The following HIF3A variants were observed in gnomAD, a reference collection of about 807,000 sequenced individuals.
HIF3A encodes hypoxia-inducible factor 3-alpha.
Under a neutral mutation model 67.2 loss-of-function variants are expected in HIF3A, and 41 were observed. That is an observed-to-expected ratio of 0.61 (90% CI 0.48 to 0.79). The LOEUF (loss-of-function observed/expected upper bound fraction) is 0.79. Ranked by LOEUF, HIF3A falls within the 30% of genes least tolerant of loss-of-function variation. HIF3A has a pLI of 0.00. For missense variants in HIF3A, 855 were observed against 898.0 expected (o/e 0.95, Z 0.61); for synonymous variants, 356 against 374.8 (o/e 0.95, Z 0.58).
intron 11 of HIF3A, among the ~76,000 whole-genome samples, chr19:46,326,964 C>G (rs1159456914): frequency 6.6e-6 from 1 of 151,968 alleles, no homozygotes; most frequent in African/African-American, 2.4e-5. Flanking sequence ...CCGTTCTGGC[C>G]AACATGGTGA....
At position 46,312,666 on chromosome 19, in the gene HIF3A, A is replaced by C. The variant is rs186789872; in HGVS notation, c.1025+13A>C. 7.7e-5 allele frequency: 119 copies of C among 1,539,746 alleles called. 2 individuals are homozygous for C. The East Asian group carries it at 2.6e-3, about 34-fold the overall frequency. On this transcript the variant is annotated intron_variant, in intron 8 of 14. Coordinates refer to ENST00000377670, the MANE Select transcript of HIF3A (RefSeq NM_152795.4). Reference sequence around the variant, plus strand: ...ATTTTTTAATCAGGTAAGCAGGAGGAGGGGCTGGGGTGGCTGTGTGTGGGC... The same window carrying C: ...ATTTTTTAATCAGGTAAGCAGGAGGCGGGGCTGGGGTGGCTGTGTGTGGGC...
At chr19:46,324,108 T>C (rs1338402922) in intron 10 of HIF3A, among the ~76,000 whole-genome samples, 1 of 152,144 alleles carries the variant, frequency 6.6e-6, no homozygotes, top group East Asian at 1.9e-4. Context: ...ATATCCTGAT[T>C]TATACAGACC....
At chr19:46,327,853 G>T (rs1281699749) in intron 11 of HIF3A, among the ~76,000 whole-genome samples, 1 of 152,200 alleles carries the variant, frequency 6.6e-6, no homozygotes, top group Admixed American at 6.5e-5. Context: ...ATATTCATAG[G>T]TGGAATCTGG....
intron 8 of HIF3A, chr19:46,312,882 ATTTTTTTTTTTTTTTT>A (rs531816670): frequency 4.5e-6 from 4 of 879,372 alleles, no homozygotes; most frequent in Admixed American, 1.1e-4. Flanking sequence ...TAGACTGTTA[ATTTTTTTTTTTTTTTT>A]TTTTTTTTTT....
At position 46,331,231 on chromosome 19, in the gene HIF3A, C is replaced by A; in HGVS notation, c.1788C>A (p.Pro596=). The A allele has an allele frequency of 6.2e-7, 1 of 1,614,036 alleles. No individual in the cohort carries two copies. Among genetic ancestry groups the A allele is most frequent in the Non-Finnish European group, 8.5e-7 (1 of 1,179,962 alleles). ...LLGVRPPKRS[P]SPEHENFLLF... ...GAGTGAGACCTCCCAAAAGGTCCCC[C>A]AGCCCAGAACACGAAAACTTTCTGC... The change falls in exon 13 of 15, where the codon CCC becomes CCA. Residue 596 remains proline (P), a synonymous_variant. Coordinates refer to ENST00000377670, the MANE Select transcript of HIF3A (RefSeq NM_152795.4).
chr19:46,321,541 G>C (rs535535100), intron 9 of HIF3A, among the ~76,000 whole-genome samples: 1 of 152,276 alleles, frequency 6.6e-6, no homozygotes, highest in Admixed American at 6.5e-5. Flanking sequence ...CTGAGATAGT[G>C]CCACTGCACT....
In HIF3A at chr19:46,336,085, C is replaced by CTTTTTT. The variant is rs1017798750; in HGVS notation, c.1912+1120_1912+1125dup. The stretch of plus-strand genomic sequence containing the variant: ...TTTTATTTTCTTTCTCTCTCTCTCT[C>CTTTTTT]TTTTTTTTTTTTTTTTTTTTTTTTT... On this transcript the variant is annotated intron_variant, in intron 14 of 14. Transcript: ENST00000377670. Among the ~76,000 whole-genome samples the CTTTTTT allele has an allele frequency of 2.4e-4, 19 of 79,400 alleles. 2 individuals carry two copies. Among genetic ancestry groups the CTTTTTT allele is most frequent in the South Asian group, 1.5e-3 (3 of 2,054 alleles). The allele number at this position is 79,400 out of a possible 152,430, so 52.1% of individuals were successfully genotyped here.
chr19:46,311,879 CA>C (rs1320707322), intron 6 of HIF3A, among the ~76,000 whole-genome samples: 1 of 152,028 alleles, frequency 6.6e-6, no homozygotes, highest in Non-Finnish European at 1.5e-5. Context: ...AACAACAAAA[CA>C]AACAAAAAAC....
rs1430309417 is a variant in HIF3A, at chr19:46,297,061, C to T, written c.-16C>T. The T allele has an allele frequency of 7.7e-7, 1 of 1,305,008 alleles. No homozygotes were observed. Among genetic ancestry groups the T allele is most frequent in the African/African-American group, 1.5e-5 (1 of 66,178 alleles). The allele number at this position is 1,305,008 out of a possible 1,614,324, so 80.8% of individuals were successfully genotyped here. On this transcript the variant is annotated 5_prime_UTR_variant, in exon 1 of 15. Coordinates refer to ENST00000377670, the MANE Select transcript of HIF3A (RefSeq NM_152795.4). This position sits in a 1 kb window ranked among gnomAD's most constrained non-coding sequence, Gnocchi z 4.5. ...CTAGGGGCCTCCGAGGGCTCCGGAG[C>T]GGCGACTGGCGAGCCATGGCGCTGG...
intron 14 of HIF3A, among the ~76,000 whole-genome samples, chr19:46,335,233 C>T (rs781720789): frequency 1.3e-5 from 2 of 150,458 alleles, no homozygotes; most frequent in African/African-American, 2.5e-5. Context: ...CTGGAGCCTG[C>T]ACGCCTATGA....
At chr19:46,302,994 T>G (rs148490641) in intron 1 of HIF3A, among the ~76,000 whole-genome samples, 1 of 152,100 alleles carries the variant, frequency 6.6e-6, no homozygotes, top group Admixed American at 6.5e-5. Context: ...TCCAGGCCCA[T>G]AGAGATAGAG....
At chr19:46,332,295 A>G (rs1486952544) in intron 13 of HIF3A, among the ~76,000 whole-genome samples, 2 of 152,042 alleles carry the variant, frequency 1.3e-5, no homozygotes, top group Non-Finnish European at 2.9e-5. Flanking sequence ...GCACTTTGGG[A>G]GGCCGAGGTG....
At chr19:46,313,327 C>CT in intron 8 of HIF3A, 1 of 982,742 alleles carries the variant, frequency 1.0e-6, no homozygotes, top group Non-Finnish European at 1.2e-6. Flanking sequence ...ATCATGGGGT[C>CT]TTTTTTGCTT....
intron 1 of HIF3A, chr19:46,303,455 A>T: frequency 1.7e-6 from 1 of 597,220 alleles, no homozygotes; most frequent in South Asian, 2.2e-5. Context: ...GATTCTGGGA[A>T]ACTGCAGGGC....
Position 46,329,323 on chromosome 19 carries a change from C to A in HIF3A, c.1557C>A (p.Val519=), listed in dbSNP as rs150047396. The A allele has an allele frequency of 1.2e-4, 195 of 1,613,196 alleles. 1 individual carries two copies. The African/African-American group carries it at 1.7e-3, about 14-fold the overall frequency. ...PRAYHRPLGA[V]PRPRARSFHG... Reference sequence around the variant, plus strand: ...CCTACCACAGACCTCTGGGGGCTGTCCCCCGGCCCCGTGCTCGGAGCTTCC... The same window carrying A: ...CCTACCACAGACCTCTGGGGGCTGTACCCCGGCCCCGTGCTCGGAGCTTCC... Residue 519 remains valine (V), a synonymous_variant, in exon 12 of 15, where the codon GTC becomes GTA. Coordinates refer to ENST00000377670, the MANE Select transcript of HIF3A (RefSeq NM_152795.4).
At chr19:46,334,667 C>T (rs1034195479) in intron 13 of HIF3A, among the ~76,000 whole-genome samples, 4 of 152,162 alleles carry the variant, frequency 2.6e-5, no homozygotes, top group Admixed American at 2.0e-4. Context: ...CTCACCTCAG[C>T]CTCCTAAGTA....
At chr19:46,339,416 A>G (rs1601392480) in intron 14 of HIF3A, 109 bp from the exon 15 acceptor site, 2 of 747,698 alleles carry the variant, frequency 2.7e-6, no homozygotes, top group East Asian at 5.9e-5. Context: ...TCGAGTGTTC[A>G]ATTTCCTTAA....
chr19:46,312,881 AATTTTTTTTT>A (rs1969578722), intron 8 of HIF3A: 1 of 944,350 alleles, frequency 1.1e-6, no homozygotes, highest in South Asian at 5.3e-5. Context: ...GTAGACTGTT[AATTTTTTTTT>A]TTTTTTTTTT....
At chr19:46,312,376 A>G in intron 7 of HIF3A, 109 bp downstream of exon 7, 1 of 1,608,466 alleles carries the variant, frequency 6.2e-7, no homozygotes, top group East Asian at 2.2e-5. Flanking sequence ...CCCCACCTCA[A>G]CACCAGCTCC....
Sources: allele counts gnomAD v4.1 joint callset (sites outside exome capture counted in the v4.1 genomes callset), GRCh38; gene constraint gnomAD v4.1.1; non-coding constraint Gnocchi (gnomAD v3.1); transcripts MANE v1.5; gene names NCBI Gene and HGNC (gene_info 2026-07-23, HGNC 2026-07-21).